TRMT9B: variants seen among roughly 807,000 people sequenced by gnomAD.
TRMT9B encodes the protein tRNA methyltransferase 9B (putative), also known as probable tRNA methyltransferase 9B.
A neutral mutation model predicts 11.5 loss-of-function variants in TRMT9B; 16 were observed. That is an observed-to-expected ratio of 1.39 (90% CI 0.94 to 2.11). The LOEUF (loss-of-function observed/expected upper bound fraction) is 2.11. Ranked by LOEUF, TRMT9B falls within the 30% of genes most tolerant of loss-of-function variation. The pLI is 0.00. For synonymous variants in TRMT9B, 274 were observed against 192.4 expected (o/e 1.42, Z -3.51); for missense variants, 941 against 553.8 (o/e 1.70, Z -7.02).
In TRMT9B at chr8:13,023,395, T is replaced by C. The variant is rs190507756; in HGVS notation, c.*1351T>C. 8 of 167,210 alleles carry C rather than the reference T, an allele frequency of 4.8e-5. 1 individual carries two copies. The Admixed American group carries it at 5.2e-4, about 11-fold the overall frequency. 10.4% of individuals were successfully genotyped at this position (167,210 alleles called of 1,614,324 possible). On this transcript the variant is annotated 3_prime_UTR_variant, in exon 5 of 5. Transcript: ENST00000524591. ...GGGCATTTATTTTATTGAAGGTGAC[T>C]ACATTTTATTAGTTATATTAGGAAT...
intron 3 of TRMT9B, chr8:13,007,468 G>A (rs1454265130): frequency 2.6e-5 from 4 of 152,166 alleles, no homozygotes; most frequent in Admixed American, 6.5e-5. Flanking sequence ...TCGTAAGTCT[G>A]TAGTTGCAAA....
chr8:12,988,997 A>G (rs1008867398), intron 1 of TRMT9B, among the ~76,000 whole-genome samples: 12 of 152,226 alleles, frequency 7.9e-5, no homozygotes, highest in African/African-American at 1.9e-4. Flanking sequence ...TTTTATCTGT[A>G]TCCCTAGTGC....
intron 1 of TRMT9B, among the ~76,000 whole-genome samples, chr8:12,988,630 A>G (rs1329498280): frequency 6.6e-6 from 1 of 152,118 alleles, no homozygotes; most frequent in East Asian, 1.9e-4. Context: ...TTATAAAACC[A>G]TCAGATCTCT....
At position 13,015,401 on chromosome 8, in the gene TRMT9B, C is replaced by T. The variant is rs1249110550; in HGVS notation, c.328+2544C>T. The stretch of plus-strand genomic sequence containing the variant: ...GAGACCAATTTTTTTATTGGTCTCA[C>T]TCTTATCACCCTGGTTGGAGTGCAA... On this transcript the variant is annotated intron_variant, in intron 4 of 4. Transcript: ENST00000524591. 2.0e-5 allele frequency among the ~76,000 whole-genome samples: 3 copies of T among 152,088 alleles called. 1 individual carries two copies. Among genetic ancestry groups the T allele is most frequent in the East Asian group, 3.9e-4 (2 of 5,184 alleles).
At chr8:12,981,614 G>T (rs181250816) in intron 1 of TRMT9B, among the ~76,000 whole-genome samples, 12 of 148,648 alleles carry the variant, frequency 8.1e-5, no homozygotes, top group South Asian at 2.1e-4. Context: ...ATTTTTTTTT[G>T]ATAGAAACAG....
At chr8:12,973,613 G>A (rs1354734340) in intron 1 of TRMT9B, among the ~76,000 whole-genome samples, 1 of 152,194 alleles carries the variant, frequency 6.6e-6, no homozygotes, top group Non-Finnish European at 1.5e-5. Context: ...CTCATCTGGA[G>A]AGGTGAAGAG....
At chr8:12,962,424 T>A (rs1281621397) in intron 1 of TRMT9B, among the ~76,000 whole-genome samples, 5 of 152,242 alleles carry the variant, frequency 3.3e-5, no homozygotes, top group Non-Finnish European at 4.4e-5. Flanking sequence ...GTTGGCAGTA[T>A]GTGCATACAG....
chr8:13,020,992 G>T lies in TRMT9B; in HGVS notation c.329-16G>T. 3 of 1,502,766 alleles carry T rather than the reference G, an allele frequency of 2.0e-6. No individual in the cohort carries two copies. In the South Asian group the frequency reaches 4.0e-5, roughly 20 times the overall value. 93.1% of individuals were successfully genotyped at this position (1,502,766 alleles called of 1,614,324 possible). A position where few individuals can be genotyped will look rare whatever the true frequency, so the allele number is the denominator to read the frequency against. On this transcript the variant is annotated splice_polypyrimidine_tract_variant and intron_variant, in intron 4 of 4. Transcript: ENST00000524591. ...GTGTGTGCATACACACTGAGATCTA[G>T]TTTTGTCTTTTTCAGTCATACATCA...
intron 2 of TRMT9B, among the ~76,000 whole-genome samples, chr8:13,003,310 GATACCA>G (rs1809804922): frequency 6.6e-6 from 1 of 152,074 alleles, no homozygotes; most frequent in Non-Finnish European, 1.5e-5. Context: ...ACTTCCCTGG[GATACCA>G]CTCACTCACA....
At chr8:13,008,239 A>T (rs1264058953) in intron 3 of TRMT9B, among the ~76,000 whole-genome samples, 1 of 152,226 alleles carries the variant, frequency 6.6e-6, no homozygotes, top group African/African-American at 2.4e-5. Context: ...TCTAACACAT[A>T]TATTTTGTCC....
At chr8:13,002,821 C>G (rs996418811) in intron 2 of TRMT9B, among the ~76,000 whole-genome samples, 2 of 152,146 alleles carry the variant, frequency 1.3e-5, no homozygotes. Context: ...TACCCAAGTA[C>G]TTCCCACTTC....
At chr8:12,983,488 G>A (rs985976487) in intron 1 of TRMT9B, among the ~76,000 whole-genome samples, 7 of 152,078 alleles carry the variant, frequency 4.6e-5, no homozygotes, top group African/African-American at 9.7e-5. Context: ...TGACCAACAC[G>A]GTGAAATCCC....
chr8:13,008,856 G>C (rs1276947903), intron 3 of TRMT9B, among the ~76,000 whole-genome samples: 1 of 152,126 alleles, frequency 6.6e-6, no homozygotes, highest in Non-Finnish European at 1.5e-5. Context: ...AGCCTCCCTA[G>C]TAGCTGGGAC....
At chr8:12,974,630 G>A (rs762249531) in intron 1 of TRMT9B, among the ~76,000 whole-genome samples, 3 of 152,166 alleles carry the variant, frequency 2.0e-5, no homozygotes, top group Non-Finnish European at 4.4e-5. Context: ...GAAGCAAAAC[G>A]TGGCAGTCTG....
chr8:12,972,567 T>C (rs1213489011), intron 1 of TRMT9B, among the ~76,000 whole-genome samples: 1 of 152,194 alleles, frequency 6.6e-6, no homozygotes, highest in Non-Finnish European at 1.5e-5. Flanking sequence ...TCTCCCACCC[T>C]GTCCTTCCAG....
intron 1 of TRMT9B, among the ~76,000 whole-genome samples, chr8:12,976,368 CTTT>C (rs34578022): frequency 3.3e-5 from 5 of 149,570 alleles, no homozygotes; most frequent in East Asian, 2.0e-4. Context: ...TTATGCTTTA[CTTT>C]TTTTTTTTTC....
chr8:13,018,414 A>C (rs1301833960), intron 4 of TRMT9B, among the ~76,000 whole-genome samples: 1 of 144,558 alleles, frequency 6.9e-6, no homozygotes, highest in Non-Finnish European at 1.5e-5. Context: ...AAAAAACGAC[A>C]ACAAAGAAAA....
chr8:12,967,713 G>A (rs1427832060), intron 1 of TRMT9B, among the ~76,000 whole-genome samples: 1 of 152,170 alleles, frequency 6.6e-6, no homozygotes, highest in Admixed American at 6.5e-5. Context: ...CACTTAAAAT[G>A]TCAGGAGAGT....
chr8:13,003,650 C>G (rs1217192792), intron 2 of TRMT9B, among the ~76,000 whole-genome samples: 1 of 151,464 alleles, frequency 6.6e-6, no homozygotes, highest in Non-Finnish European at 1.5e-5. Context: ...ATGTGCCCGC[C>G]TAAGCCAGCT....
Sources: allele counts gnomAD v4.1 joint callset (sites outside exome capture counted in the v4.1 genomes callset), GRCh38; gene constraint gnomAD v4.1.1; transcripts MANE v1.5; gene names NCBI Gene and HGNC (gene_info 2026-07-23, HGNC 2026-07-21).